The following BPHL variants were observed in gnomAD, a reference collection of about 807,000 sequenced individuals.
BPHL encodes the protein serine hydrolase BPHL.
Under a neutral mutation model 31.2 loss-of-function variants are expected in BPHL, and 27 were observed. The observed-to-expected ratio is 0.87, with a 90% CI of 0.64 to 1.19. The LOEUF is 1.19. BPHL is among the 50% of genes most tolerant of loss of function. The pLI, the probability that BPHL is intolerant of heterozygous loss-of-function variation, is 0.00. For missense variants in BPHL, 356 were observed against 375.7 expected, an observed-to-expected ratio of 0.95 and a Z score of 0.43; for synonymous variants, 150 against 146.8, an observed-to-expected ratio of 1.02 and a Z score of -0.16.
chr6:3,148,348 G>T (rs908489362), intron 6 of BPHL, among the ~76,000 whole-genome samples: 1 of 152,230 alleles, frequency 6.6e-6, no homozygotes, highest in African/African-American at 2.4e-5. Context: ...GCCACCAGTG[G>T]TAAGATGGCC....
chr6:3,138,211 G>C (rs1452263584), intron 5 of BPHL: 4 of 322,240 alleles, frequency 1.2e-5, no homozygotes, highest in Middle Eastern at 1.1e-3. Context: ...GTAGAGACAG[G>C]GTTTCACCAT....
In BPHL at chr6:3,140,389, A is replaced by T. The variant is rs777284211; in HGVS notation, c.668A>T (p.Asn223Ile). The T allele has an allele frequency of 1.2e-6, 2 of 1,614,088 alleles. No homozygotes were observed. The highest frequency in any genetic ancestry group is 4.5e-5 in the East Asian group (2 of 44,882). Reference sequence around the variant, plus strand: ...CCTCGTGCTGTGTATCCGTCAGGTAACATCTGCCGGCACCTGCTGCCCCGG... The same window carrying T: ...CCTCGTGCTGTGTATCCGTCAGGTATCATCTGCCGGCACCTGCTGCCCCGG... The part of the protein sequence containing the change: ...IRQFKHLPDG[N>I]ICRHLLPRVQ... Residue 223 changes from asparagine to isoleucine, a missense_variant, in exon 6 of 7, where the codon AAC (asparagine) becomes ATC (isoleucine). Coordinates refer to ENST00000380379, the MANE Select transcript of BPHL (RefSeq NM_004332.4). The surrounding 1 kb of genome is among the most constrained non-coding windows in gnomAD (Gnocchi z 5.2).
intron 4 of BPHL, among the ~76,000 whole-genome samples, chr6:3,131,676 C>G (rs1295129911): frequency 6.6e-6 from 1 of 152,160 alleles, no homozygotes. Context: ...CGGACATTCT[C>G]CCATCTCCCC....
At position 3,123,676 on chromosome 6, in the gene BPHL, A is replaced by G; in HGVS notation, c.127A>G (p.Lys43Glu). 1 of 1,613,878 alleles carries G rather than the reference A, an allele frequency of 6.2e-7. No individual in the cohort carries two copies. Among genetic ancestry groups the G allele is most frequent in the Non-Finnish European group, 8.5e-7 (1 of 1,179,836 alleles). Residue 43 changes from lysine to glutamate, a missense_variant, in exon 2 of 7, where the codon AAA becomes GAA. Coordinates refer to ENST00000380379, the MANE Select transcript of BPHL (RefSeq NM_004332.4). ...TTCTAGCACCTCGGTAACCTCTGCC[A>G]AAGTGGCTGTGAATGGCGTTCAGCT... ...AAFGTSVTSA[K>E]VAVNGVQLHY...
intron 3 of BPHL, among the ~76,000 whole-genome samples, chr6:3,128,723 C>T (rs573877734): frequency 6.6e-6 from 1 of 152,394 alleles, no homozygotes; most frequent in South Asian, 2.1e-4. Flanking sequence ...CGTGCACACG[C>T]ATACACACGT....
rs1761792779 is a variant in BPHL at position 3,129,052 on chromosome 6, A to C, written c.386A>C (p.Lys129Thr). 6.2e-7 allele frequency: 1 copy of C among 1,614,260 alleles called. No homozygotes were observed. ...KDAVDLMKAL[K>T]FKKVSLLGWS... ...TTTGTCGTATGATCATAGGCGCTGA[A>C]GTTTAAGAAGGTTTCTCTGCTGGGG... The change falls in exon 4 of 7, where the codon AAG (lysine) becomes ACG (threonine). Residue 129 changes from lysine (K) to threonine (T), a missense_variant. Lys to Thr is a moderately conservative substitution (Grantham distance 78). Coordinates refer to ENST00000380379, the MANE Select transcript of BPHL (RefSeq NM_004332.4).
rs1477731775 is a variant in BPHL, at chr6:3,149,416, C to T, written c.789-3072C>T. On this transcript the variant is annotated intron_variant, in intron 6 of 6. Coordinates refer to ENST00000380379, the MANE Select transcript of BPHL (RefSeq NM_004332.4). This position sits in a 1 kb window ranked among gnomAD's most constrained non-coding sequence, Gnocchi z 4.6. Reference sequence around the variant, plus strand: ...CAGCCCACTTCAAGCCGCCACACTGCCCAGAAAGTAGCCTCCGGGGCAGTT... The same window carrying T: ...CAGCCCACTTCAAGCCGCCACACTGTCCAGAAAGTAGCCTCCGGGGCAGTT... Among the ~76,000 whole-genome samples, 5 of 152,150 alleles carry T rather than the reference C, an allele frequency of 3.3e-5. No homozygotes were observed. Among genetic ancestry groups the T allele is most frequent in the African/African-American group, 1.2e-4 (5 of 41,422 alleles).
In BPHL at chr6:3,152,470, T is replaced by A; in HGVS notation, c.789-18T>A. 6.2e-7 allele frequency: 1 copy of A among 1,611,692 alleles called. No homozygotes were observed. The highest frequency in any genetic ancestry group is 8.5e-7 in the Non-Finnish European group (1 of 1,178,466). ...GTGGTGGGCCATTGACCCAAAGTATTTTTAATTCCTTTTTTAGGCTGCATT... is the reference window on the plus strand; with the variant it reads ...GTGGTGGGCCATTGACCCAAAGTATATTTAATTCCTTTTTTAGGCTGCATT... On this transcript the variant is annotated intron_variant, in intron 6 of 6. Coordinates refer to ENST00000380379, the MANE Select transcript of BPHL (RefSeq NM_004332.4).
chr6:3,137,412 G>A lies in BPHL; in HGVS notation c.583G>A (p.Ala195Thr), dbSNP rs745648984. ...TGAGAGAACAAGAAAGCCTCTAGAAGCCCTCTATGGGTATGACTACTTTGC... is the reference window on the plus strand; with the variant it reads ...TGAGAGAACAAGAAAGCCTCTAGAAACCCTCTATGGGTATGACTACTTTGC... ...WSERTRKPLEALYGYDYFART... is the reference protein window; with the variant it reads ...WSERTRKPLETLYGYDYFART... Residue 195 changes from alanine to threonine, a missense_variant, in exon 5 of 7, where the codon GCC (alanine) becomes ACC (threonine). Coordinates refer to ENST00000380379, the MANE Select transcript of BPHL (RefSeq NM_004332.4). 1.9e-6 allele frequency: 3 copies of A among 1,612,778 alleles called. No homozygotes were observed. In the South Asian group the frequency reaches 3.3e-5, roughly 18 times the overall value.
intron 1 of BPHL, among the ~76,000 whole-genome samples, chr6:3,121,388 C>A (rs1761569866): frequency 6.7e-6 from 1 of 149,772 alleles, no homozygotes; most frequent in Non-Finnish European, 1.5e-5. Context: ...TAATCTTCAC[C>A]TCCCAGGTTC....
chr6:3,123,738 CCTG>C lies in BPHL; in HGVS notation c.192_194del (p.Leu66del). 2 of 1,612,978 alleles carry C rather than the reference CCTG, an allele frequency of 1.2e-6. No homozygotes were observed. The highest frequency in any genetic ancestry group is 1.7e-6 in the Non-Finnish European group (2 of 1,179,450). On this transcript the variant is annotated inframe_deletion, in exon 2 of 7. Transcript: ENST00000380379. ...AGACTGGAGAGGGAGATCACGCAGT[CCTG>C]CTACTTCCTGGGATGTTAGGTCTGG... is the stretch of plus-strand genomic sequence containing the variant.
At chr6:3,122,349 A>G (rs909455131) in intron 1 of BPHL, among the ~76,000 whole-genome samples, 5 of 152,228 alleles carry the variant, frequency 3.3e-5, no homozygotes, top group African/African-American at 9.6e-5. Flanking sequence ...GCACTCCACC[A>G]GGAGAAGAGA....
intron 6 of BPHL, among the ~76,000 whole-genome samples, chr6:3,143,955 C>G (rs1179437574): frequency 6.6e-6 from 1 of 152,270 alleles, no homozygotes; most frequent in African/African-American, 2.4e-5. Flanking sequence ...GGTGTGTGCC[C>G]ACCCCTTAGG....
intron 6 of BPHL, among the ~76,000 whole-genome samples, chr6:3,143,293 A>T (rs1169015971): frequency 6.6e-6 from 1 of 152,226 alleles, no homozygotes; most frequent in Non-Finnish European, 1.5e-5. Flanking sequence ...CAAGAAATAC[A>T]GATTATGTGT....
chr6:3,150,700 G>A (rs1762498423), intron 6 of BPHL, among the ~76,000 whole-genome samples: 1 of 152,232 alleles, frequency 6.6e-6, no homozygotes, highest in Non-Finnish European at 1.5e-5. Context: ...TGCCTTGACA[G>A]CTAATATTCA....
intron 1 of BPHL, among the ~76,000 whole-genome samples, chr6:3,120,790 TA>T (rs1334566671): frequency 6.6e-6 from 1 of 152,244 alleles, no homozygotes; most frequent in African/African-American, 2.4e-5. Context: ...ACAATCTTCC[TA>T]AAAAATATTT....
In BPHL at chr6:3,152,529, G is replaced by A. The variant is rs151267393; in HGVS notation, c.830G>A (p.Arg277His). The stretch of plus-strand genomic sequence containing the variant: ...GAAGGCAAACACAACCTGCATTTGC[G>A]TTTTGCAGATGAATTCAACAAGTTA... Reference protein sequence around the residue: ...MPEGKHNLHLRFADEFNKLAE... With the variant: ...MPEGKHNLHLHFADEFNKLAE... Residue 277 changes from arginine to histidine, a missense_variant, in exon 7 of 7, where the codon CGT becomes CAT. Arg to His is a conservative substitution (Grantham distance 29). Coordinates refer to ENST00000380379, the MANE Select transcript of BPHL (RefSeq NM_004332.4). 1.1e-4 allele frequency: 174 copies of A among 1,612,694 alleles called. No individual in the cohort carries two copies. In the African/African-American group the frequency reaches 1.1e-3, roughly 10 times the overall value.
At chr6:3,144,880 G>A (rs977753483) in intron 6 of BPHL, among the ~76,000 whole-genome samples, 10 of 152,234 alleles carry the variant, frequency 6.6e-5, no homozygotes, top group Non-Finnish European at 1.0e-4. Context: ...CACCAGTGCA[G>A]GACCAGCCGC....
At chr6:3,142,121 G>T (rs1008633371) in intron 6 of BPHL, among the ~76,000 whole-genome samples, 5 of 151,080 alleles carry the variant, frequency 3.3e-5, no homozygotes, top group Non-Finnish European at 7.4e-5. Context: ...AGTTTTTTTT[G>T]TTTGTTTTTT....
Sources: gnomAD v4.1 joint callset for allele counts (sites outside exome capture counted in the v4.1 genomes callset) on GRCh38, gnomAD v4.1.1 for gene constraint, Gnocchi (gnomAD v3.1) non-coding constraint, MANE v1.5 for transcripts, NCBI Gene and HGNC (gene_info 2026-07-23, HGNC 2026-07-21) for gene names.